BAZ2B: variants seen among roughly 807,000 people sequenced by gnomAD.
The protein encoded by BAZ2B is bromodomain adjacent to zinc finger domain protein 2B.
In BAZ2B, 91 loss-of-function variants were observed where a neutral mutation model predicts 246.0. The ratio of observed to expected loss-of-function variants is 0.37; its 90% CI spans 0.31 to 0.44. The LOEUF (loss-of-function observed/expected upper bound fraction) is 0.44. Among genes scored for constraint, BAZ2B ranks in the 20% least tolerant of loss-of-function variants. The probability of loss-of-function intolerance (pLI) is 1.00; values close to 1 mark genes in which losing one functional copy is unlikely to be tolerated. For missense variants in BAZ2B, 2,332 were observed against 2,533.7 expected (o/e 0.92, Z 1.71); for synonymous variants, 855 against 860.0 (o/e 0.99, Z 0.10).
intron 3 of BAZ2B, among the ~76,000 whole-genome samples, chr2:159,473,255 T>C (rs2078056177): frequency 6.6e-6 from 1 of 152,228 alleles, no homozygotes; most frequent in Admixed American, 6.5e-5. Context: ...GAACTTGTTA[T>C]TGGTCTATTC....
intron 31 of BAZ2B, among the ~76,000 whole-genome samples, chr2:159,341,425 G>A (rs532224730): frequency 2.6e-5 from 4 of 152,254 alleles, no homozygotes; most frequent in Admixed American, 2.6e-4. Flanking sequence ...ATCCTAATAT[G>A]ATAATGGCTG....
At chr2:159,613,553 T>G (rs1418234054) in intron 1 of BAZ2B, among the ~76,000 whole-genome samples, 2 of 152,148 alleles carry the variant, frequency 1.3e-5, no homozygotes, top group African/African-American at 4.8e-5. Context: ...AATTACTTTT[T>G]TCTATCTGAA....
At chr2:159,380,692 T>C (rs1228601399) in intron 25 of BAZ2B, among the ~76,000 whole-genome samples, 1 of 152,172 alleles carries the variant, frequency 6.6e-6, no homozygotes, top group Non-Finnish European at 1.5e-5. Flanking sequence ...TCAGGGAATC[T>C]GATATTTTGG....
chr2:159,505,921 C>G (rs2082282555), intron 2 of BAZ2B, among the ~76,000 whole-genome samples: 1 of 152,190 alleles, frequency 6.6e-6, no homozygotes, highest in Admixed American at 6.5e-5. Flanking sequence ...CATTGGCAAG[C>G]TAAGCGTATA....
intron 33 of BAZ2B, among the ~76,000 whole-genome samples, chr2:159,335,209 G>A (rs1321292759): frequency 6.6e-6 from 1 of 152,052 alleles, no homozygotes; most frequent in African/African-American, 2.4e-5. Flanking sequence ...ATTTGTACCT[G>A]GTAAAAACAC....
At chr2:159,353,650 A>C (rs1247230521) in intron 27 of BAZ2B, among the ~76,000 whole-genome samples, 1 of 152,220 alleles carries the variant, frequency 6.6e-6, no homozygotes, top group Non-Finnish European at 1.5e-5. Context: ...TGGTGAAAAA[A>C]GTACCTTAAA....
At chr2:159,397,695 A>G (rs1428386154) in intron 18 of BAZ2B, among the ~76,000 whole-genome samples, 1 of 152,182 alleles carries the variant, frequency 6.6e-6, no homozygotes, top group Non-Finnish European at 1.5e-5. Context: ...TGGCACATTC[A>G]TTGAACCAAC....
intron 1 of BAZ2B, among the ~76,000 whole-genome samples, chr2:159,571,693 C>T (rs187649254): frequency 1.5e-3 from 231 of 152,258 alleles, no homozygotes; most frequent in Non-Finnish European, 2.7e-3. Flanking sequence ...TAAATAATAG[C>T]AGTTTATTTT....
chr2:159,530,323 T>G (rs981150552), intron 2 of BAZ2B, among the ~76,000 whole-genome samples: 39 of 152,228 alleles, frequency 2.6e-4, no homozygotes, highest in African/African-American at 9.4e-4. Context: ...TACTCTTCAG[T>G]ATAGATCAAC....
intron 14 of BAZ2B, among the ~76,000 whole-genome samples, chr2:159,408,786 G>C (rs2066361355): frequency 6.6e-6 from 1 of 152,158 alleles, no homozygotes; most frequent in African/African-American, 2.4e-5. Flanking sequence ...CGGGCGTTGT[G>C]GTGGGTGCCT....
chr2:159,688,164 C>T, the BAZ2B span, among the ~76,000 whole-genome samples: 3 of 152,030 alleles, frequency 2.0e-5, no homozygotes, highest in Admixed American at 6.6e-5. Flanking sequence ...CTCAGCCTTC[C>T]GAGTACCTGG....
At chr2:159,633,219 C>T in the BAZ2B span, among the ~76,000 whole-genome samples, 1 of 151,340 alleles carries the variant, frequency 6.6e-6, no homozygotes, top group African/African-American at 2.4e-5. Context: ...GTTACCAGCA[C>T]ACCTCTGTTG....
chr2:159,601,937 C>T (rs527466884), intron 1 of BAZ2B, among the ~76,000 whole-genome samples: 1 of 152,076 alleles, frequency 6.6e-6, no homozygotes, highest in Non-Finnish European at 1.5e-5. Context: ...CTAAAGGTGG[C>T]AAAATTATCT....
chr2:159,365,237 C>A (rs1358890227), intron 27 of BAZ2B, among the ~76,000 whole-genome samples: 1 of 152,028 alleles, frequency 6.6e-6, no homozygotes, highest in African/African-American at 2.4e-5. Context: ...CGTTCTTAAC[C>A]ACGGGCAGTA....
chr2:159,557,796 T>C (rs1304576521), intron 1 of BAZ2B, among the ~76,000 whole-genome samples: 1 of 152,148 alleles, frequency 6.6e-6, no homozygotes, highest in Non-Finnish European at 1.5e-5. Flanking sequence ...TGTCAAGAGC[T>C]ACAAAGGATC....
At position 159,412,453 on chromosome 2, in the gene BAZ2B, T is replaced by A. The variant is rs367711760; in HGVS notation, c.2559A>T (p.Arg853Ser). 1 of 1,614,140 alleles carries A rather than the reference T, an allele frequency of 6.2e-7. No homozygotes were observed. Among genetic ancestry groups the A allele is most frequent in the African/African-American group, 1.3e-5 (1 of 75,048 alleles). ...TCCTGGATTCCTCTCTTGCTCGTTG[T>A]CTATCTGGATTTGGTGGTCTTCCTC... Reference protein sequence around the residue: ...GRRGRPPNPDRQRAREESRMR... With the variant: ...GRRGRPPNPDSQRAREESRMR... Residue 853 changes from arginine (R) to serine (S), a missense_variant, in exon 14 of 37, where the codon AGA (arginine) becomes AGT (serine). Physicochemically the swap from Arg to Ser is moderately radical, Grantham distance 110. Around this residue, in one of 9 missense-constraint regions of BAZ2B, gnomAD observed 651 missense variants for 650.9 expected, o/e 1.00. Transcript: ENST00000392783.
At chr2:159,507,394 C>T (rs1445918099) in intron 2 of BAZ2B, among the ~76,000 whole-genome samples, 1 of 152,022 alleles carries the variant, frequency 6.6e-6, no homozygotes, top group Non-Finnish European at 1.5e-5. Context: ...ACAATTATAT[C>T]TAGAAAGAAT....
chr2:159,561,940 G>C (rs2089920054), intron 1 of BAZ2B, among the ~76,000 whole-genome samples: 1 of 152,132 alleles, frequency 6.6e-6, no homozygotes, highest in South Asian at 2.1e-4. Context: ...GGATTTTGGA[G>C]AACTGAGTTT....
intron 1 of BAZ2B, among the ~76,000 whole-genome samples, chr2:159,575,966 G>C (rs1448443296): frequency 1.3e-5 from 2 of 151,970 alleles, no homozygotes; most frequent in Non-Finnish European, 2.9e-5. Flanking sequence ...TAAAATGCTA[G>C]GACCAAAATT....
Sources: gnomAD v4.1 joint callset for allele counts (sites outside exome capture counted in the v4.1 genomes callset) on GRCh38, gnomAD v4.1.1 for gene constraint, gnomAD v4.1.1 regional missense constraint, MANE v1.5 for transcripts, NCBI Gene and HGNC (gene_info 2026-07-23, HGNC 2026-07-21) for gene names.